ST18: variants seen among roughly 807,000 people sequenced by gnomAD.
ST18 encodes the protein ST18 C2H2C-type zinc finger transcription factor, also known as suppression of tumorigenicity 18 protein.
In ST18, 50 loss-of-function variants were observed where a neutral mutation model predicts 110.0. The observed-to-expected ratio is 0.45, with a 90% CI of 0.36 to 0.58. The LOEUF (loss-of-function observed/expected upper bound fraction) is 0.58, where lower values mean the gene tolerates loss of function less well. Ranked by LOEUF, ST18 falls within the 20% of genes least tolerant of loss-of-function variation. ST18 has a pLI of 0.00. For synonymous variants in ST18, 461 were observed against 452.4 expected (o/e 1.02, Z -0.24); for missense variants, 1,306 against 1,280.1 (o/e 1.02, Z -0.31).
intron 2 of ST18, among the ~76,000 whole-genome samples, chr8:52,277,624 A>G (rs2095299143): frequency 6.6e-6 from 1 of 152,270 alleles, no homozygotes; most frequent in African/African-American, 2.4e-5. Flanking sequence ...CATGCTAAAC[A>G]TATAAAATAC....
chr8:52,163,965 A>G, intron 13 of ST18, 21 bp downstream of exon 13: 1 of 1,588,168 alleles, frequency 6.3e-7, no homozygotes, highest in Middle Eastern at 1.7e-4. Flanking sequence ...GAGCACTGAG[A>G]ACATCGTTAG....
intron 8 of ST18, among the ~76,000 whole-genome samples, chr8:52,186,507 G>C (rs1051309773): frequency 3.9e-5 from 6 of 152,242 alleles, no homozygotes; most frequent in Admixed American, 3.3e-4. Flanking sequence ...CTGCTCAACA[G>C]TATCTACTAA....
intron 2 of ST18, among the ~76,000 whole-genome samples, chr8:52,315,724 G>T (rs1013920620): frequency 6.6e-6 from 1 of 152,202 alleles, no homozygotes; most frequent in Non-Finnish European, 1.5e-5. Context: ...TAAAGAAAGT[G>T]TGTGTTATGA....
chr8:52,207,682 T>G (rs538198829), intron 8 of ST18, among the ~76,000 whole-genome samples: 2 of 152,186 alleles, frequency 1.3e-5, no homozygotes, highest in Admixed American at 1.3e-4. Flanking sequence ...AGCTGACAAA[T>G]TGGTACACAG....
At position 52,136,631 on chromosome 8, in the gene ST18, C is replaced by T. The variant is rs1341754818; in HGVS notation, c.2259G>A (p.Lys753=). 1 of 1,610,846 alleles carries T rather than the reference C, an allele frequency of 6.2e-7. No homozygotes were observed. The highest frequency in any genetic ancestry group is 8.5e-7 in the Non-Finnish European group (1 of 1,178,888). ...RSVSGCPLAD[K]TLKSLMAANS... ...TGGCAGCCATGAGGGATTTTAGAGT[C>T]TTATCTGCTAAAGGACATCCAGAAA... Residue 753 remains lysine, a synonymous_variant, in exon 19 of 26, where the codon AAG becomes AAA. Coordinates refer to ENST00000689386, the MANE Select transcript of ST18 (RefSeq NM_001352837.2).
intron 10 of ST18, among the ~76,000 whole-genome samples, chr8:52,167,352 AC>A (rs1386617977): frequency 4.6e-5 from 7 of 152,246 alleles, no homozygotes; most frequent in African/African-American, 1.7e-4. Flanking sequence ...TTAAACCAAA[AC>A]CATTTCTTAT....
intron 9 of ST18, among the ~76,000 whole-genome samples, chr8:52,177,192 T>G (rs944777369): frequency 3.9e-5 from 6 of 152,218 alleles, no homozygotes; most frequent in Non-Finnish European, 8.8e-5. Context: ...GGTAGTACTT[T>G]GCAAGCTCGT....
intron 2 of ST18, chr8:52,296,243 T>C (rs1158809228): frequency 6.6e-6 from 1 of 152,202 alleles, no homozygotes; most frequent in Non-Finnish European, 1.5e-5. Flanking sequence ...TGGTAACATA[T>C]TTTCCCCTAC....
At chr8:52,195,933 T>C (rs1437632283) in intron 8 of ST18, among the ~76,000 whole-genome samples, 1 of 152,212 alleles carries the variant, frequency 6.6e-6, no homozygotes, top group East Asian at 1.9e-4. Context: ...TCTCAGCATG[T>C]GATCAGACCA....
At chr8:52,168,710 G>A (rs2063814917) in intron 10 of ST18, among the ~76,000 whole-genome samples, 2 of 152,096 alleles carry the variant, frequency 1.3e-5, no homozygotes, top group South Asian at 2.1e-4. Flanking sequence ...TGCCCGTGTC[G>A]ATACTATTCT....
chr8:52,225,995 G>A (rs974967062), intron 3 of ST18, among the ~76,000 whole-genome samples: 1 of 152,166 alleles, frequency 6.6e-6, no homozygotes, highest in Non-Finnish European at 1.5e-5. Flanking sequence ...TGCTTTAAAG[G>A]CTGGTGAGCT....
chr8:52,154,837 C>T (rs575955039), intron 15 of ST18: 4 of 148,098 alleles, frequency 2.7e-5, no homozygotes, highest in African/African-American at 2.5e-5. Flanking sequence ...GCTATGATCA[C>T]ATCACTGCAC....
intron 2 of ST18, among the ~76,000 whole-genome samples, chr8:52,387,287 C>T (rs1374968916): frequency 1.3e-5 from 2 of 152,100 alleles, no homozygotes; most frequent in African/African-American, 2.4e-5. Flanking sequence ...CCTCTTTTAT[C>T]TTTTCTTCTC....
intron 8 of ST18, among the ~76,000 whole-genome samples, chr8:52,186,167 C>A (rs10113824): frequency 0.12 from 17,903 of 152,076 alleles, 2,740 homozygotes; most frequent in African/African-American, 0.36. Flanking sequence ...AAGGTATTTG[C>A]AGTACCTACA....
At chr8:52,370,574 T>A (rs1404219221) in intron 2 of ST18, among the ~76,000 whole-genome samples, 1 of 152,170 alleles carries the variant, frequency 6.6e-6, no homozygotes, top group Non-Finnish European at 1.5e-5. Flanking sequence ...GGACATTCCT[T>A]AGACAAAACA....
intron 2 of ST18, chr8:52,313,391 T>A (rs1314781288): frequency 1.3e-5 from 2 of 153,430 alleles, no homozygotes; most frequent in Non-Finnish European, 2.9e-5. Context: ...TTTCCCCAAA[T>A]GTCTTGGTAT....
At chr8:52,178,922 T>G (rs1445843263) in intron 9 of ST18, among the ~76,000 whole-genome samples, 11 of 152,168 alleles carry the variant, frequency 7.2e-5, no homozygotes, top group African/African-American at 2.4e-4. Flanking sequence ...TGAACTGAGA[T>G]TTGTGCTCAC....
rs77387219 is a variant in ST18 at position 52,317,693 on chromosome 8, G to A, written c.-464-87616C>T. 9.2e-5 allele frequency among the ~76,000 whole-genome samples: 14 copies of A among 152,162 alleles called. No individual in the cohort carries two copies. In the East Asian group the frequency reaches 2.7e-3, roughly 29 times the overall value. On this transcript the variant is annotated intron_variant, in intron 2 of 25. Coordinates refer to ENST00000689386, the MANE Select transcript of ST18 (RefSeq NM_001352837.2). ...AAAGTTCTTAAAATGCAGTTTGTTT[G>A]TGTTTCAACTTTTTGTCTAATATAT...
intron 2 of ST18, among the ~76,000 whole-genome samples, chr8:52,344,644 G>A (rs1388822257): frequency 3.3e-5 from 5 of 152,094 alleles, no homozygotes; most frequent in Non-Finnish European, 4.4e-5. Context: ...CAGGTGATCC[G>A]CCTGCCTCAG....
Sources: gnomAD v4.1 joint callset for allele counts (sites outside exome capture counted in the v4.1 genomes callset) on GRCh38, gnomAD v4.1.1 for gene constraint, MANE v1.5 for transcripts, NCBI Gene and HGNC (gene_info 2026-07-23, HGNC 2026-07-21) for gene names.